Variants in SNAP25 observed in about 807,000 individuals in gnomAD.
SNAP25 encodes the protein synaptosome associated protein 25, also known as synaptosomal-associated protein 25.
Under a neutral mutation model 28.7 loss-of-function variants are expected in SNAP25, and 3 were observed. That is an observed-to-expected ratio of 0.10 (90% CI 0.05 to 0.27). The LOEUF (loss-of-function observed/expected upper bound fraction) is 0.27, where lower values mean the gene tolerates loss of function less well. Ranked by LOEUF, SNAP25 falls within the 10% of genes least tolerant of loss-of-function variation. The pLI is 1.00. For synonymous variants in SNAP25, 61 were observed against 88.1 expected, an observed-to-expected ratio of 0.69 and a Z score of 1.72; for missense variants, 117 against 278.7, an observed-to-expected ratio of 0.42 and a Z score of 4.13.
chr20:10,300,547 G>C (rs1310217513), intron 7 of SNAP25, among the ~76,000 whole-genome samples: 1 of 152,144 alleles, frequency 6.6e-6, no homozygotes, highest in African/African-American at 2.4e-5. Flanking sequence ...TTGGTGAGCA[G>C]AGAAGGATAC....
intron 1 of SNAP25, among the ~76,000 whole-genome samples, chr20:10,268,287 G>A (rs1246839225): frequency 6.6e-6 from 1 of 152,302 alleles, no homozygotes. Flanking sequence ...TGCAGGAAGA[G>A]AAGGATCCAT....
At chr20:10,303,506 G>A (rs2064288867) in intron 7 of SNAP25, among the ~76,000 whole-genome samples, 1 of 152,142 alleles carries the variant, frequency 6.6e-6, no homozygotes, top group African/African-American at 2.4e-5. Context: ...GATATGAACT[G>A]AATACAGAAG....
intron 1 of SNAP25, among the ~76,000 whole-genome samples, chr20:10,231,218 T>C (rs1260572468): frequency 1.3e-5 from 2 of 151,704 alleles, no homozygotes; most frequent in Non-Finnish European, 2.9e-5. Context: ...TCCCCTGCAA[T>C]GTCTTGTTTC....
At chr20:10,231,260 G>A (rs2062824201) in intron 1 of SNAP25, among the ~76,000 whole-genome samples, 1 of 152,024 alleles carries the variant, frequency 6.6e-6, no homozygotes, top group African/African-American at 2.4e-5. Context: ...TTGCCCTTGG[G>A]AAAAGGATCC....
intron 4 of SNAP25, among the ~76,000 whole-genome samples, chr20:10,291,569 A>C (rs1221570602): frequency 6.6e-6 from 1 of 152,224 alleles, no homozygotes; most frequent in African/African-American, 2.4e-5. Flanking sequence ...CTTTAGCCTC[A>C]CGAAAGAAAA....
At chr20:10,278,461 T>G (rs2063727591) in intron 3 of SNAP25, among the ~76,000 whole-genome samples, 1 of 152,062 alleles carries the variant, frequency 6.6e-6, no homozygotes. Flanking sequence ...CCAGGCAAAA[T>G]AAATGGATTA....
At chr20:10,297,171 G>T (rs2064131676) in intron 6 of SNAP25, 121 bp downstream of exon 6, 2 of 1,264,478 alleles carry the variant, frequency 1.6e-6, no homozygotes, top group Non-Finnish European at 2.1e-6. Flanking sequence ...TACCTGCTAA[G>T]TGTTCTTTTC....
At chr20:10,229,089 C>G (rs1341701818) in intron 1 of SNAP25, among the ~76,000 whole-genome samples, 1 of 152,054 alleles carries the variant, frequency 6.6e-6, no homozygotes, top group East Asian at 1.9e-4. Flanking sequence ...GTCCCCTCTT[C>G]CTTAACATCT....
chr20:10,304,433 T>C (rs2064308746), intron 7 of SNAP25, among the ~76,000 whole-genome samples: 2 of 152,220 alleles, frequency 1.3e-5, no homozygotes. Context: ...CTGGAAGCCT[T>C]AATGACATAA....
intron 1 of SNAP25, among the ~76,000 whole-genome samples, chr20:10,255,464 TACAC>T (rs1340229901): frequency 6.6e-6 from 1 of 152,024 alleles, no homozygotes; most frequent in Non-Finnish European, 1.5e-5. Context: ...CACACACACA[TACAC>T]ACACAATTTA....
intron 3 of SNAP25, among the ~76,000 whole-genome samples, chr20:10,280,047 G>T (rs2063753037): frequency 6.6e-6 from 1 of 152,186 alleles, no homozygotes. Flanking sequence ...GAAGTACCAG[G>T]ATCTTACTCA....
intron 7 of SNAP25, among the ~76,000 whole-genome samples, chr20:10,301,763 T>C (rs2064241930): frequency 6.6e-6 from 1 of 151,544 alleles, no homozygotes; most frequent in African/African-American, 2.4e-5. Flanking sequence ...TACATCCTCA[T>C]GGATTGTCAA....
At chr20:10,227,225 C>T (rs1215908191) in intron 1 of SNAP25, among the ~76,000 whole-genome samples, 1 of 152,082 alleles carries the variant, frequency 6.6e-6, no homozygotes, top group East Asian at 1.9e-4. Flanking sequence ...CCCCTATCTC[C>T]CTTGTAAGAT....
intron 1 of SNAP25, among the ~76,000 whole-genome samples, chr20:10,266,174 A>G (rs2063503101): frequency 6.6e-6 from 1 of 152,228 alleles, no homozygotes; most frequent in Non-Finnish European, 1.5e-5. Context: ...CTGATGATTC[A>G]GAAAATGGAA....
At chr20:10,255,036 A>G in intron 1 of SNAP25, among the ~76,000 whole-genome samples, 1 of 152,196 alleles carries the variant, frequency 6.6e-6, no homozygotes, top group East Asian at 1.9e-4. Flanking sequence ...TGGCTAAGGT[A>G]CTTGAAATGA....
chr20:10,229,830 G>GC (rs1417988441), intron 1 of SNAP25, among the ~76,000 whole-genome samples: 1 of 152,050 alleles, frequency 6.6e-6, no homozygotes, highest in African/African-American at 2.4e-5. Context: ...CGACAAACAA[G>GC]TTCATACATA....
In SNAP25 at chr20:10,293,650, G is replaced by A. The variant is rs1445933522; in HGVS notation, c.281+372G>A. On this transcript the variant is annotated intron_variant, in intron 5 of 7. Transcript: ENST00000254976. This position sits in a 1 kb window ranked among gnomAD's most constrained non-coding sequence, Gnocchi z 5.6. ...TTAGAAAAGGCTGCGGGTAAGTTTGGAAGATGAGAAACACATATGCGAAGG... is the reference window on the plus strand; with the variant it reads ...TTAGAAAAGGCTGCGGGTAAGTTTGAAAGATGAGAAACACATATGCGAAGG... 6.6e-6 allele frequency among the ~76,000 whole-genome samples: 1 copy of A among 152,162 alleles called. No individual in the cohort carries two copies. Among genetic ancestry groups the A allele is most frequent in the African/African-American group, 2.4e-5 (1 of 41,434 alleles).
chr20:10,262,926 G>A (rs1055183641), intron 1 of SNAP25, among the ~76,000 whole-genome samples: 1 of 152,034 alleles, frequency 6.6e-6, no homozygotes, highest in Non-Finnish European at 1.5e-5. Flanking sequence ...CTGGGGGTGG[G>A]CGGTGGGGGG....
At position 10,253,566 on chromosome 20, in the gene SNAP25, C is replaced by T. The variant is rs3025865; in HGVS notation, c.-63-21863C>T. Among the ~76,000 whole-genome samples, 330 of 152,276 alleles carry T rather than the reference C, an allele frequency of 2.2e-3. 1 individual carries two copies. The highest frequency in any genetic ancestry group is 7.3e-3 in the African/African-American group (302 of 41,554). On this transcript the variant is annotated intron_variant, in intron 1 of 7. Transcript: ENST00000254976. ...TACAGTGCTGGGAGGACTCTACATGCTCAGGGATCATCCCTGTTACTATGA... is the reference window on the plus strand; with the variant it reads ...TACAGTGCTGGGAGGACTCTACATGTTCAGGGATCATCCCTGTTACTATGA...
Sources: gnomAD v4.1 joint callset for allele counts (sites outside exome capture counted in the v4.1 genomes callset) on GRCh38, gnomAD v4.1.1 for gene constraint, Gnocchi (gnomAD v3.1) non-coding constraint, MANE v1.5 for transcripts, NCBI Gene and HGNC (gene_info 2026-07-23, HGNC 2026-07-21) for gene names.